ECT2L: variants seen among roughly 807,000 people sequenced by gnomAD.
ECT2L encodes the protein epithelial cell-transforming sequence 2 oncogene-like.
In ECT2L, 126 loss-of-function variants were observed where a neutral mutation model predicts 122.8. That is an observed-to-expected ratio of 1.03 (90% CI 0.89 to 1.19). The LOEUF (loss-of-function observed/expected upper bound fraction) is 1.19. ECT2L is among the 50% of genes most tolerant of loss of function. The pLI is 0.00. For missense variants in ECT2L, 1,012 were observed against 1,064.1 expected, an observed-to-expected ratio of 0.95 and a Z score of 0.68; for synonymous variants, 385 against 381.8, an observed-to-expected ratio of 1.01 and a Z score of -0.10.
At chr6:138,851,154 T>C (rs561117994) in intron 9 of ECT2L, among the ~76,000 whole-genome samples, 11 of 152,158 alleles carry the variant, frequency 7.2e-5, no homozygotes, top group Admixed American at 5.9e-4. Flanking sequence ...TTGCCAACAC[T>C]TATTTTCTGT....
intron 5 of ECT2L, among the ~76,000 whole-genome samples, chr6:138,840,655 G>T (rs1777007679): frequency 6.6e-6 from 1 of 151,114 alleles, no homozygotes; most frequent in Admixed American, 6.6e-5. Flanking sequence ...TTTTATTGTT[G>T]ATCCTTTAAA....
At chr6:138,832,422 G>C (rs1394372554) in intron 4 of ECT2L, among the ~76,000 whole-genome samples, 1 of 152,102 alleles carries the variant, frequency 6.6e-6, no homozygotes, top group East Asian at 1.9e-4. Context: ...CACATGGGAT[G>C]GTTCACATAT....
intron 4 of ECT2L, among the ~76,000 whole-genome samples, chr6:138,819,729 A>T (rs75675624): frequency 5.9e-5 from 9 of 151,428 alleles, no homozygotes; most frequent in Admixed American, 4.6e-4. Flanking sequence ...AGTTTTAATT[A>T]AAAAAAAATT....
Position 138,868,113 on chromosome 6 carries a change from G to A in ECT2L, c.1485G>A (p.Met495Ile). 1.2e-6 allele frequency: 2 copies of A among 1,600,606 alleles called. No individual in the cohort carries two copies. Among genetic ancestry groups the A allele is most frequent in the Non-Finnish European group, 1.7e-6 (2 of 1,172,542 alleles). The change falls in exon 13 of 22, where the codon ATG becomes ATA. Residue 495 changes from methionine (M) to isoleucine (I), a missense_variant. Physicochemically the swap from Met to Ile is conservative, Grantham distance 10. Coordinates refer to ENST00000541398, the MANE Select transcript of ECT2L (RefSeq NM_001077706.3). ...GCCTTGTATTTACAGGGCAGTTTAT[G>A]TTTGACACCATGGGTATGACCAACA... ...SISGRMIGQF[M>I]FDTMGMTNIL...
intron 9 of ECT2L, 140 bp downstream of exon 9, chr6:138,849,574 T>A: frequency 7.5e-6 from 1 of 133,884 alleles, no homozygotes; most frequent in Non-Finnish European, 1.4e-5. Flanking sequence ...AAAGCGAAGC[T>A]TTTTTTTTTT....
At chr6:138,803,150 G>A (rs979051549) in intron 1 of ECT2L, among the ~76,000 whole-genome samples, 1 of 151,462 alleles carries the variant, frequency 6.6e-6, no homozygotes, top group African/African-American at 2.4e-5. Context: ...CCAGCTACCC[G>A]GGAGGCTGAG....
At chr6:138,855,467 C>T (rs761709072) in intron 10 of ECT2L, among the ~76,000 whole-genome samples, 55 of 152,254 alleles carry the variant, frequency 3.6e-4, no homozygotes, top group Non-Finnish European at 5.9e-4. Context: ...CAAGATCGCA[C>T]CACTACACTC....
At chr6:138,819,534 T>C (rs895681157) in intron 4 of ECT2L, among the ~76,000 whole-genome samples, 2 of 142,856 alleles carry the variant, frequency 1.4e-5, no homozygotes, top group African/African-American at 4.9e-5. Flanking sequence ...GCAAAGACTT[T>C]GGTGACTCTT....
At chr6:138,807,494 ATCT>A (rs1217899543) in intron 1 of ECT2L, among the ~76,000 whole-genome samples, 1 of 152,100 alleles carries the variant, frequency 6.6e-6, no homozygotes, top group Non-Finnish European at 1.5e-5. Context: ...AATGCCGGTC[ATCT>A]TCTCACTAGC....
At chr6:138,800,930 CTTG>C (rs148192821) in intron 1 of ECT2L, among the ~76,000 whole-genome samples, 2,579 of 152,238 alleles carry the variant, frequency 0.017, 82 homozygotes, top group African/African-American at 0.058. Context: ...AAGACGATGC[CTTG>C]TTGTTGCATT....
intron 10 of ECT2L, among the ~76,000 whole-genome samples, chr6:138,857,901 T>C (rs1582622669): frequency 6.6e-6 from 1 of 152,176 alleles, no homozygotes; most frequent in South Asian, 2.1e-4. Flanking sequence ...CTCACAGTTC[T>C]GCAGGGCCGG....
chr6:138,815,942 C>T (rs1209525563), intron 4 of ECT2L, among the ~76,000 whole-genome samples: 1 of 152,156 alleles, frequency 6.6e-6, no homozygotes, highest in African/African-American at 2.4e-5. Context: ...TCTGTGGGTG[C>T]AAAGCAGATT....
At chr6:138,895,585 T>C (rs1197075761) in intron 20 of ECT2L, among the ~76,000 whole-genome samples, 6 of 152,108 alleles carry the variant, frequency 3.9e-5, no homozygotes, top group Admixed American at 1.3e-4. Context: ...ATTTTTCTTT[T>C]TCTGAGACAG....
intron 4 of ECT2L, among the ~76,000 whole-genome samples, chr6:138,815,402 C>T (rs1250448517): frequency 6.6e-6 from 1 of 152,202 alleles, no homozygotes. Flanking sequence ...CTAGAGAGCC[C>T]TCCAGCTTGC....
chr6:138,843,629 G>GC (rs200707112), intron 6 of ECT2L, among the ~76,000 whole-genome samples: 3,082 of 152,250 alleles, frequency 0.02, 88 homozygotes, highest in African/African-American at 0.071. Context: ...TTTAAAAAGG[G>GC]AGAAAGAGGA....
chr6:138,841,784 C>T (rs576773333), intron 5 of ECT2L, among the ~76,000 whole-genome samples: 58 of 152,270 alleles, frequency 3.8e-4, no homozygotes, highest in Non-Finnish European at 6.8e-4. Flanking sequence ...GCATTGATAG[C>T]TCTATAATAT....
intron 1 of ECT2L, among the ~76,000 whole-genome samples, chr6:138,811,837 T>A (rs887117983): frequency 6.6e-6 from 1 of 152,004 alleles, no homozygotes; most frequent in Non-Finnish European, 1.5e-5. Flanking sequence ...TACAGGTGTG[T>A]GCCACTATGC....
rs1778926085 is a variant in ECT2L at position 138,888,999 on chromosome 6, TTGCTGTGA to T, written c.2385_2392del (p.Cys795Ter). On this transcript the variant is annotated frameshift_variant, in exon 20 of 22. Transcript: ENST00000541398. LOFTEE classifies it high-confidence loss of function. Reference sequence around the variant, plus strand: ...GGGTACAAGATGTAGCCCAACTTCATTGCTGTGATGAAGAAATAAGTTTCTCTTTAAGG... The same window carrying T: ...GGGTACAAGATGTAGCCCAACTTCATTGAAGAAATAAGTTTCTCTTTAAGG... 6.4e-7 allele frequency: 1 copy of T among 1,552,226 alleles called. No homozygotes were observed. Among genetic ancestry groups the T allele is most frequent in the African/African-American group, 1.4e-5 (1 of 73,320 alleles).
intron 4 of ECT2L, among the ~76,000 whole-genome samples, chr6:138,819,246 A>AAAAG (rs1562456458): frequency 8.0e-6 from 1 of 125,104 alleles, no homozygotes. Flanking sequence ...AAAAAAAAAA[A>AAAAG]AAAAAGGAAA....
Sources: allele counts gnomAD v4.1 joint callset (sites outside exome capture counted in the v4.1 genomes callset), GRCh38; gene constraint gnomAD v4.1.1; transcripts MANE v1.5; gene names NCBI Gene and HGNC (gene_info 2026-07-23, HGNC 2026-07-21).